ADAM22: variants seen among roughly 807,000 people sequenced by gnomAD.
ADAM22 encodes the protein disintegrin and metalloproteinase domain-containing protein 22.
A neutral mutation model predicts 144.6 loss-of-function variants in ADAM22; 65 were observed. The observed-to-expected ratio is 0.45, with a 90% CI of 0.37 to 0.55. The LOEUF is 0.55. Ranked by LOEUF, ADAM22 falls within the 20% of genes least tolerant of loss-of-function variation. The probability of loss-of-function intolerance (pLI) is 0.00; values close to 1 mark genes in which losing one functional copy is unlikely to be tolerated. For synonymous variants in ADAM22, 391 were observed against 412.6 expected, an observed-to-expected ratio of 0.95 and a Z score of 0.63; for missense variants, 974 against 1,184.9, an observed-to-expected ratio of 0.82 and a Z score of 2.61.
intron 2 of ADAM22, among the ~76,000 whole-genome samples, chr7:87,970,474 C>G (rs954302119): frequency 1.3e-5 from 2 of 152,116 alleles, no homozygotes; most frequent in African/African-American, 4.8e-5. Flanking sequence ...CATTGGTAAA[C>G]ATCAATTCGT....
chr7:88,191,080 AG>A (rs1849522427), intron 30 of ADAM22, among the ~76,000 whole-genome samples: 1 of 152,130 alleles, frequency 6.6e-6, no homozygotes, highest in Non-Finnish European at 1.5e-5. Flanking sequence ...CTTCCCCTCA[AG>A]GTCCAAGGTG....
chr7:88,003,614 G>A lies in ADAM22; in HGVS notation c.323+25202G>A, dbSNP rs150202918. 2.8e-3 allele frequency among the ~76,000 whole-genome samples: 433 copies of A among 152,274 alleles called. 2 individuals are homozygous for A. The highest frequency in any genetic ancestry group is 8.7e-3 in the East Asian group (45 of 5,182). ...TATTTAGCTATTTCAAATTTGGGAA[G>A]CAAAGAGAAGACAGATTTCAATCTC... On this transcript the variant is annotated intron_variant, in intron 3 of 31. Transcript: ENST00000413139.
chr7:87,984,119 T>G (rs1854367227), intron 3 of ADAM22, among the ~76,000 whole-genome samples: 1 of 152,212 alleles, frequency 6.6e-6, no homozygotes, highest in Admixed American at 6.5e-5. Context: ...TTTTTTATCT[T>G]AATTATTATG....
Position 87,979,882 on chromosome 7 carries a change from G to T in ADAM22, c.323+1470G>T, listed in dbSNP as rs143892234. On this transcript the variant is annotated intron_variant, in intron 3 of 31. Transcript: ENST00000413139. ...GTGATTTGGAAAGTCAGGTTCTTAG[G>T]TCTCTATTTTAATAACTCCCTTCCA... is the stretch of plus-strand genomic sequence containing the variant. 2.5e-3 allele frequency among the ~76,000 whole-genome samples: 380 copies of T among 152,268 alleles called. 2 individuals are homozygous for T. Among genetic ancestry groups the T allele is most frequent in the African/African-American group, 8.7e-3 (363 of 41,534 alleles).
At chr7:88,037,003 A>C (rs1202379998) in intron 3 of ADAM22, among the ~76,000 whole-genome samples, 1 of 152,128 alleles carries the variant, frequency 6.6e-6, no homozygotes, top group African/African-American at 2.4e-5. Flanking sequence ...CATGTATTCC[A>C]CATTCATTTA....
intron 3 of ADAM22, among the ~76,000 whole-genome samples, chr7:88,030,269 A>T (rs1449467774): frequency 6.6e-6 from 1 of 151,988 alleles, no homozygotes; most frequent in African/African-American, 2.4e-5. Context: ...AGAGACTCTG[A>T]TGTATTCTTC....
At chr7:88,056,634 C>G (rs1308461762) in intron 3 of ADAM22, among the ~76,000 whole-genome samples, 1 of 152,160 alleles carries the variant, frequency 6.6e-6, no homozygotes, top group African/African-American at 2.4e-5. Flanking sequence ...GGCATATAGA[C>G]ATTCACAATT....
chr7:87,959,883 A>G (rs1847656022), intron 2 of ADAM22, among the ~76,000 whole-genome samples: 1 of 152,226 alleles, frequency 6.6e-6, no homozygotes, highest in South Asian at 2.1e-4. Flanking sequence ...TTTAGAATAT[A>G]CAATTCAGTG....
chr7:87,945,846 C>A (rs990680338), intron 2 of ADAM22, among the ~76,000 whole-genome samples: 2 of 152,066 alleles, frequency 1.3e-5, no homozygotes, highest in Admixed American at 6.5e-5. Flanking sequence ...ACTTTATTGA[C>A]TTTGGTAGAA....
rs573068031 is a variant in ADAM22, at chr7:88,042,240, T to G, written c.324-33386T>G. Among the ~76,000 whole-genome samples the G allele has an allele frequency of 1.3e-3, 191 of 152,208 alleles. 1 individual carries two copies. The highest frequency in any genetic ancestry group is 4.4e-3 in the African/African-American group (183 of 41,566). On this transcript the variant is annotated intron_variant, in intron 3 of 31. Coordinates refer to ENST00000413139, the MANE Select transcript of ADAM22 (RefSeq NM_001324418.2). ...TTATTTAGTAGGCCATAAGAAAGAT[T>G]CAAGTTTACTTCCATTTTGCAGAGG...
At chr7:88,145,353 C>T in intron 16 of ADAM22, 62 bp from the exon 17 acceptor site, 1 of 1,501,566 alleles carries the variant, frequency 6.7e-7, no homozygotes, top group South Asian at 1.2e-5. Flanking sequence ...TAGAAAATAT[C>T]CTGTTACTTT....
chr7:87,960,386 G>GTGTC (rs1201930498), intron 2 of ADAM22, among the ~76,000 whole-genome samples: 2 of 151,576 alleles, frequency 1.3e-5, no homozygotes, highest in African/African-American at 2.4e-5. Flanking sequence ...GTGTGTGTGT[G>GTGTC]TGTGTGTGTG....
At chr7:88,155,760 C>G in intron 21 of ADAM22, 127 bp from the exon 22 acceptor site, 1 of 1,082,690 alleles carries the variant, frequency 9.2e-7, no homozygotes, top group Non-Finnish European at 1.3e-6. Flanking sequence ...TATTTTATTT[C>G]ACTTGGCATA....
chr7:87,983,926 C>T (rs944306073), intron 3 of ADAM22, among the ~76,000 whole-genome samples: 7 of 151,896 alleles, frequency 4.6e-5, no homozygotes, highest in Non-Finnish European at 1.0e-4. Context: ...CACAACAAGG[C>T]CTGTAGATAG....
rs1840681186 is a variant in ADAM22 at position 87,934,494 on chromosome 7, C to T, written c.29C>T (p.Pro10Leu). Residue 10 changes from proline to leucine, a missense_variant, in exon 1 of 32, where the codon CCC becomes CTC. This residue lies in a region of ADAM22 where 240 missense variants were observed against 234.3 expected (regional missense o/e 1.02). Coordinates refer to ENST00000413139, the MANE Select transcript of ADAM22 (RefSeq NM_001324418.2). Reference protein sequence around the residue: MQAAVAVSVPFLLLCVLGTC... With the variant: MQAAVAVSVLFLLLCVLGTC... ...CAGGCGGCAGTGGCTGTGTCCGTGC[C>T]CTTCTTGCTGCTCTGTGTCCTGGGG... 6.2e-7 allele frequency: 1 copy of T among 1,607,972 alleles called. No homozygotes were observed. The highest frequency in any genetic ancestry group is 1.1e-5 in the South Asian group (1 of 90,528).
chr7:87,991,007 G>T (rs1789702926), intron 3 of ADAM22, among the ~76,000 whole-genome samples: 1 of 152,010 alleles, frequency 6.6e-6, no homozygotes, highest in Non-Finnish European at 1.5e-5. Context: ...TGGACTTGTG[G>T]ATTTTTATTT....
intron 2 of ADAM22, among the ~76,000 whole-genome samples, chr7:87,939,589 T>C (rs1842058459): frequency 1.3e-5 from 2 of 152,206 alleles, no homozygotes; most frequent in Admixed American, 1.3e-4. Context: ...TTAGTAAATA[T>C]ACTGAAAATA....
At chr7:88,097,863 G>A (rs1178729409) in intron 4 of ADAM22, among the ~76,000 whole-genome samples, 1 of 152,034 alleles carries the variant, frequency 6.6e-6, no homozygotes, top group Non-Finnish European at 1.5e-5. Context: ...TTCATAAAAA[G>A]GTACAATGAT....
At chr7:87,976,523 A>G (rs1180534032) in intron 2 of ADAM22, among the ~76,000 whole-genome samples, 4 of 152,220 alleles carry the variant, frequency 2.6e-5, no homozygotes, top group South Asian at 2.1e-4. Context: ...TCCAGCCTCC[A>G]GAACTGCAAG....
Sources: allele counts gnomAD v4.1 joint callset (sites outside exome capture counted in the v4.1 genomes callset), GRCh38; gene constraint gnomAD v4.1.1; regional missense constraint gnomAD v4.1.1; transcripts MANE v1.5; gene names NCBI Gene and HGNC (gene_info 2026-07-23, HGNC 2026-07-21).